HMGB1: variants seen among roughly 807,000 people sequenced by gnomAD.
HMGB1 encodes high mobility group box 1.
For synonymous variants in HMGB1, 81 were observed against 84.0 expected (o/e 0.96, Z 0.19); for missense variants, 79 against 253.5 (o/e 0.31, Z 4.67).
intron 1 of HMGB1, among the ~76,000 whole-genome samples, chr13:30,548,630 A>T (rs1869278599): frequency 6.6e-6 from 1 of 152,320 alleles, no homozygotes; most frequent in East Asian, 1.9e-4. Context: ...AATTCTTATG[A>T]TGGGAGCCCT....
intron 1 of HMGB1, chr13:30,464,884 G>C (rs1261082560): frequency 1.7e-4 from 25 of 146,940 alleles, no homozygotes; most frequent in Non-Finnish European, 8.8e-5. Flanking sequence ...CATTACGGCC[G>C]GGGGAGGGGC....
chr13:30,461,804 C>A, intron 4 of HMGB1: 1 of 631,268 alleles, frequency 1.6e-6, no homozygotes. Context: ...TGTACCACAT[C>A]CTAACTCTAT....
At chr13:30,557,501 T>G (rs1012738899) in intron 1 of HMGB1, among the ~76,000 whole-genome samples, 1 of 152,234 alleles carries the variant, frequency 6.6e-6, no homozygotes. Context: ...TGCGGCCCAG[T>G]GCCTAGCACA....
intron 1 of HMGB1, among the ~76,000 whole-genome samples, chr13:30,503,647 C>CTT (rs10590461): frequency 0.017 from 1,825 of 106,290 alleles, 31 homozygotes; most frequent in African/African-American, 0.039. Context: ...TACTCAGCTT[C>CTT]TTTTTTTTTT....
intron 1 of HMGB1, among the ~76,000 whole-genome samples, chr13:30,564,137 A>G (rs1453745916): frequency 1.3e-5 from 2 of 152,104 alleles, no homozygotes; most frequent in East Asian, 3.8e-4. Context: ...GACATGATTA[A>G]GAAACTAACC....
intron 1 of HMGB1, among the ~76,000 whole-genome samples, chr13:30,489,979 G>C (rs1218665912): frequency 7.2e-6 from 1 of 139,628 alleles, no homozygotes; most frequent in Admixed American, 8.0e-5. Flanking sequence ...GCCTGCCCCG[G>C]CCTCCCAGAA....
intron 1 of HMGB1, among the ~76,000 whole-genome samples, chr13:30,520,448 T>C (rs879775656): frequency 4.6e-5 from 7 of 151,884 alleles, no homozygotes; most frequent in African/African-American, 9.7e-5. Flanking sequence ...GGTGAAACCC[T>C]GTTTCCACTA....
chr13:30,534,616 CTTTTTTT>C, intron 1 of HMGB1, among the ~76,000 whole-genome samples: 1 of 124,712 alleles, frequency 8.0e-6, no homozygotes. Context: ...GTTCAAGCTG[CTTTTTTT>C]TTTTTTTTTT....
intron 1 of HMGB1, chr13:30,543,186 G>A (rs961007040): frequency 4.7e-5 from 7 of 148,816 alleles, no homozygotes; most frequent in African/African-American, 1.7e-4. Context: ...GAGTGCAGTG[G>A]CGCGATCTCA....
At chr13:30,613,022 C>T (rs920988585) in intron 1 of HMGB1, among the ~76,000 whole-genome samples, 33 of 152,118 alleles carry the variant, frequency 2.2e-4, no homozygotes, top group African/African-American at 8.0e-4. Flanking sequence ...GTTTTAGTAC[C>T]AGGTCAGCCA....
At chr13:30,475,943 C>T (rs1887086233) in intron 1 of HMGB1, among the ~76,000 whole-genome samples, 1 of 152,184 alleles carries the variant, frequency 6.6e-6, no homozygotes, top group Non-Finnish European at 1.5e-5. Context: ...TATCACCTCC[C>T]TGGCCCCTGC....
chr13:30,503,828 G>C (rs1002194384), intron 1 of HMGB1, among the ~76,000 whole-genome samples: 5 of 152,030 alleles, frequency 3.3e-5, no homozygotes, highest in African/African-American at 1.2e-4. Context: ...AGGCCATGGA[G>C]TGAGGACTGC....
At chr13:30,584,178 T>A (rs2137545771) in intron 1 of HMGB1, among the ~76,000 whole-genome samples, 1 of 152,326 alleles carries the variant, frequency 6.6e-6, no homozygotes, top group South Asian at 2.1e-4. Flanking sequence ...AATAATCTCA[T>A]GCCAACTAAG....
intron 1 of HMGB1, chr13:30,616,593 A>G: frequency 6.6e-6 from 1 of 152,214 alleles, no homozygotes; most frequent in East Asian, 1.9e-4. Context: ...AAAAAAGAAA[A>G]ACCTAACTAG....
chr13:30,590,673 T>G (rs913760253), intron 1 of HMGB1, among the ~76,000 whole-genome samples: 1 of 152,340 alleles, frequency 6.6e-6, no homozygotes, highest in East Asian at 1.9e-4. Context: ...AATTCGTATG[T>G]TGAAATCTTA....
At chr13:30,561,732 GTTTTC>G (rs969166437) in intron 1 of HMGB1, among the ~76,000 whole-genome samples, 3 of 152,146 alleles carry the variant, frequency 2.0e-5, no homozygotes, top group Admixed American at 6.5e-5. Flanking sequence ...TAAGCAAGAG[GTTTTC>G]TTTAAGACTG....
chr13:30,472,597 T>C (rs1886971910), intron 1 of HMGB1, among the ~76,000 whole-genome samples: 1 of 149,796 alleles, frequency 6.7e-6, no homozygotes, highest in Non-Finnish European at 1.5e-5. Context: ...AAAGACTCCA[T>C]TTCAAAACAA....
intron 1 of HMGB1, among the ~76,000 whole-genome samples, chr13:30,543,908 G>C (rs1869029131): frequency 6.6e-6 from 1 of 152,198 alleles, no homozygotes; most frequent in African/African-American, 2.4e-5. Context: ...CAGGCATAAA[G>C]GGTCTTTCCC....
intron 1 of HMGB1, among the ~76,000 whole-genome samples, chr13:30,522,741 T>TC (rs1566014232): frequency 6.6e-6 from 1 of 151,460 alleles, no homozygotes; most frequent in African/African-American, 2.4e-5. Context: ...AAAGTCTTTT[T>TC]TTTTTTTTGA....
Sources: gnomAD v4.1 joint callset for allele counts (sites outside exome capture counted in the v4.1 genomes callset) on GRCh38, gnomAD v4.1.1 for gene constraint, MANE v1.5 for transcripts, NCBI Gene and HGNC (gene_info 2026-07-23, HGNC 2026-07-21) for gene names.